ZFHX3: variants seen among roughly 807,000 people sequenced by gnomAD.
ZFHX3 encodes zinc finger homeobox 3, also known as zinc finger homeobox protein 3.
In ZFHX3, 42 loss-of-function variants were observed where a neutral mutation model predicts 279.1. That is an observed-to-expected ratio of 0.15 (90% confidence interval 0.12 to 0.19). The LOEUF is 0.19. Among genes scored for constraint, ZFHX3 ranks in the 10% least tolerant of loss-of-function variants. The pLI, the probability that ZFHX3 is intolerant of heterozygous loss-of-function variation, is 1.00. For synonymous variants in ZFHX3, 2,293 were observed against 1,957.8 expected, an observed-to-expected ratio of 1.17 and a Z score of -4.52; for missense variants, 4,981 against 4,754.0, an observed-to-expected ratio of 1.05 and a Z score of -1.40.
intron 1 of ZFHX3, among the ~76,000 whole-genome samples, chr16:73,703,773 A>G (rs533216543): frequency 4.8e-4 from 73 of 152,340 alleles, no homozygotes; most frequent in African/African-American, 1.6e-3. Flanking sequence ...AAGCACAGAC[A>G]GGCAATCTTC....
chr16:73,824,076 C>A (rs577311779), intron 1 of ZFHX3, among the ~76,000 whole-genome samples: 6 of 152,120 alleles, frequency 3.9e-5, no homozygotes, highest in Non-Finnish European at 7.4e-5. Context: ...TAAACGAAAA[C>A]GATGTGCTCA....
At chr16:73,672,341 C>T (rs906209543) in intron 2 of ZFHX3, among the ~76,000 whole-genome samples, 3 of 152,136 alleles carry the variant, frequency 2.0e-5, no homozygotes, top group Non-Finnish European at 4.4e-5. Context: ...ATCAAATGAT[C>T]TGAAGATTTG....
At chr16:73,681,508 T>C (rs1013743010) in intron 1 of ZFHX3, among the ~76,000 whole-genome samples, 6 of 152,170 alleles carry the variant, frequency 3.9e-5, no homozygotes, top group African/African-American at 1.4e-4. Flanking sequence ...AGATAAAGAA[T>C]GAAATTTCAT....
intron 2 of ZFHX3, among the ~76,000 whole-genome samples, chr16:73,585,758 G>T (rs1423981787): frequency 3.9e-5 from 6 of 152,188 alleles, no homozygotes; most frequent in Non-Finnish European, 7.3e-5. Context: ...ACAAATCATG[G>T]CAGGAGCAGT....
chr16:73,390,537 T>G (rs1449808164), intron 3 of ZFHX3, among the ~76,000 whole-genome samples: 1 of 152,140 alleles, frequency 6.6e-6, no homozygotes, highest in African/African-American at 2.4e-5. Context: ...ATGGTATATT[T>G]TGAATTAACC....
At chr16:73,756,033 C>A (rs528864297) in intron 1 of ZFHX3, among the ~76,000 whole-genome samples, 40 of 152,172 alleles carry the variant, frequency 2.6e-4, no homozygotes, top group Non-Finnish European at 5.7e-4. Context: ...ATTAGATTGG[C>A]TTCTATTCCA....
Position 73,659,186 on chromosome 16 carries a change from G to A in ZFHX3, c.-1547+20994C>T, listed in dbSNP as rs572085102. ...AAGTAATGGAAGAAAGACACAGAAG[G>A]GTGACAGGACAAAACCGAGCATCAC... On this transcript the variant is annotated intron_variant, in intron 2 of 17. Coordinates refer to the ZFHX3 transcript ENST00000641206. Among the ~76,000 whole-genome samples, 10 of 152,268 alleles carry A rather than the reference G, an allele frequency of 6.6e-5. No homozygotes were observed. In the South Asian group the frequency reaches 1.9e-3, roughly 28 times the overall value.
chr16:73,198,848 T>C (rs757378012), intron 5 of ZFHX3, among the ~76,000 whole-genome samples: 2 of 152,222 alleles, frequency 1.3e-5, no homozygotes, highest in Non-Finnish European at 2.9e-5. Flanking sequence ...CCCAACCTAC[T>C]TGTTATATTC....
At chr16:73,365,899 G>A (rs1278364064) in intron 3 of ZFHX3, among the ~76,000 whole-genome samples, 3 of 152,220 alleles carry the variant, frequency 2.0e-5, no homozygotes, top group African/African-American at 7.2e-5. Flanking sequence ...AAACAACAGA[G>A]ATGTATCTAC....
intron 1 of ZFHX3, among the ~76,000 whole-genome samples, chr16:73,803,930 C>T (rs759614992): frequency 3.9e-5 from 6 of 152,160 alleles, no homozygotes; most frequent in Admixed American, 6.5e-5. Flanking sequence ...GAAGCCAAGG[C>T]ATGCAGATGG....
intron 4 of ZFHX3, among the ~76,000 whole-genome samples, chr16:72,876,964 A>G (rs2038331313): frequency 6.6e-6 from 1 of 152,176 alleles, no homozygotes; most frequent in African/African-American, 2.4e-5. Flanking sequence ...TGATTCCAAA[A>G]TAGTTATTGA....
intron 3 of ZFHX3, among the ~76,000 whole-genome samples, chr16:73,418,030 T>C (rs1301601168): frequency 7.0e-6 from 1 of 143,848 alleles, no homozygotes; most frequent in Non-Finnish European, 1.5e-5. Flanking sequence ...GAAAAGGCTG[T>C]GGGATGCAAG....
upstream of ZFHX3, chr16:73,061,201 C>T (rs1404416415): frequency 6.6e-6 from 1 of 152,240 alleles, no homozygotes; most frequent in East Asian, 1.9e-4. Context: ...AAACCTTTGT[C>T]ATTTTCTAAA....
At chr16:73,328,781 T>A (rs553702730) in intron 3 of ZFHX3, among the ~76,000 whole-genome samples, 2 of 152,352 alleles carry the variant, frequency 1.3e-5, no homozygotes, top group African/African-American at 4.8e-5. Flanking sequence ...CTATTCCTTA[T>A]GAAAATATTC....
At chr16:73,060,544 C>G (rs944096196), upstream of ZFHX3, 3 of 137,660 alleles carry the variant, frequency 2.2e-5, no homozygotes, top group African/African-American at 7.9e-5. Context: ...GTCTCTTCCC[C>G]CCCCTTTCAA....
chr16:73,460,596 G>A (rs915800649), intron 2 of ZFHX3, among the ~76,000 whole-genome samples: 3 of 152,136 alleles, frequency 2.0e-5, no homozygotes, highest in Non-Finnish European at 4.4e-5. Context: ...ATTCTCACTA[G>A]CAATGTATAA....
intron 1 of ZFHX3, among the ~76,000 whole-genome samples, chr16:73,715,720 C>T (rs113087752): frequency 0.023 from 3,500 of 151,826 alleles, 45 homozygotes; most frequent in East Asian, 0.033. Flanking sequence ...TACAGGTGCC[C>T]GCCACCATGC....
At chr16:73,316,125 C>T (rs947852594) in intron 4 of ZFHX3, among the ~76,000 whole-genome samples, 2 of 152,150 alleles carry the variant, frequency 1.3e-5, no homozygotes, top group Non-Finnish European at 2.9e-5. Flanking sequence ...AAAATAAATC[C>T]GGAAGCTTCT....
intron 1 of ZFHX3, among the ~76,000 whole-genome samples, chr16:73,777,037 T>C (rs911253753): frequency 3.9e-5 from 6 of 152,194 alleles, no homozygotes; most frequent in African/African-American, 1.4e-4. Context: ...GAGGAGGTAT[T>C]GCATTCCCCT....
Sources: gnomAD v4.1 joint callset for allele counts (sites outside exome capture counted in the v4.1 genomes callset) on GRCh38, gnomAD v4.1.1 for gene constraint, MANE v1.5 for transcripts, NCBI Gene and HGNC (gene_info 2026-07-23, HGNC 2026-07-21) for gene names.